Variants in SIRT3 observed in about 807,000 individuals in gnomAD.
SIRT3 encodes the protein sirtuin 3, also known as NAD-dependent protein deacetylase sirtuin-3, mitochondrial.
A neutral mutation model predicts 33.5 loss-of-function variants in SIRT3; 26 were observed. That is an observed-to-expected ratio of 0.78 (90% CI 0.57 to 1.08). The LOEUF (loss-of-function observed/expected upper bound fraction) is 1.08. Among genes scored for constraint, SIRT3 ranks in the 50% least tolerant of loss-of-function variants. The pLI is 0.00. For synonymous variants in SIRT3, 237 were observed against 222.1 expected, an observed-to-expected ratio of 1.07 and a Z score of -0.60; for missense variants, 585 against 530.1, an observed-to-expected ratio of 1.10 and a Z score of -1.02.
At chr11:234,149 G>C (rs1034070570) in intron 1 of SIRT3, 9 of 152,380 alleles carry the variant, frequency 5.9e-5, no homozygotes, top group African/African-American at 2.2e-4. Flanking sequence ...CATAAACGGC[G>C]TTTTACCAAA....
rs1251046641 is a variant in SIRT3 at position 215,929 on chromosome 11, TAGAA to T, written c.*765_*768del. The stretch of plus-strand genomic sequence containing the variant: ...GTAGTGTGGGGACAAGGAGGCCAGA[TAGAA>T]AGTGCTGGAATGTTCTGGAACAGAT... On this transcript the variant is annotated 3_prime_UTR_variant, in exon 7 of 7. Transcript: ENST00000382743. The T allele has an allele frequency of 6.6e-6, 1 of 152,204 alleles. No homozygotes were observed. Among genetic ancestry groups the T allele is most frequent in the Non-Finnish European group, 1.5e-5 (1 of 68,126 alleles). The allele number at this position is 152,204 out of a possible 1,614,324, so 9.4% of individuals were successfully genotyped here.
intron 6 of SIRT3, among the ~76,000 whole-genome samples, chr11:216,945 A>T (rs1002942910): frequency 2.0e-5 from 3 of 152,270 alleles, no homozygotes; most frequent in African/African-American, 7.2e-5. Context: ...TAAAGTACCC[A>T]AATCAATATG....
chr11:232,835 G>A, intron 3 of SIRT3, 148 bp downstream of exon 3: 1 of 695,514 alleles, frequency 1.4e-6, no homozygotes, highest in Non-Finnish European at 2.4e-6. Context: ...TCCCAAGGAA[G>A]AAGCATAAGC....
chr11:232,411 C>G (rs1353369831), intron 3 of SIRT3, among the ~76,000 whole-genome samples: 1 of 152,100 alleles, frequency 6.6e-6, no homozygotes, highest in Non-Finnish European at 1.5e-5. Flanking sequence ...GATCCCACAC[C>G]TGTAATCCGG....
chr11:221,487 T>G (rs953450806), intron 5 of SIRT3, among the ~76,000 whole-genome samples: 2 of 152,242 alleles, frequency 1.3e-5, no homozygotes, highest in African/African-American at 2.4e-5. Context: ...TACATAAATT[T>G]TGTATTAAAT....
chr11:236,467 T>C (rs1293540848), upstream of SIRT3: 5 of 447,942 alleles, frequency 1.1e-5, no homozygotes, highest in Non-Finnish European at 1.4e-5. Context: ...CGGTCCCGCC[T>C]CCGCGCCCCG....
At chr11:236,372 G>GGCGCCCCGCCCGCA, upstream of SIRT3, 1 of 1,108,228 alleles carries the variant, frequency 9.0e-7, no homozygotes, top group African/African-American at 2.5e-5. Context: ...CCCCGCCCCC[G>GGCGCCCCGCCCGCA]GCGCCCCGGC....
At chr11:232,229 T>C (rs1858146089) in intron 3 of SIRT3, among the ~76,000 whole-genome samples, 1 of 152,124 alleles carries the variant, frequency 6.6e-6, no homozygotes, top group African/African-American at 2.4e-5. Context: ...GAGATTCTCC[T>C]GTCTCAGCCT....
intron 3 of SIRT3, 49 bp downstream of exon 3, chr11:232,934 C>T (rs374032174): frequency 6.4e-6 from 10 of 1,572,636 alleles, no homozygotes; most frequent in South Asian, 3.4e-5. Context: ...AACAGGCACC[C>T]GAGCCTCCGT....
intron 5 of SIRT3, among the ~76,000 whole-genome samples, chr11:222,113 G>A (rs1856518891): frequency 6.6e-6 from 1 of 152,162 alleles, no homozygotes; most frequent in African/African-American, 2.4e-5. Flanking sequence ...ACGGTCAGCT[G>A]GTCTCAGCCC....
Position 216,439 on chromosome 11 carries a change from A to G in SIRT3, c.*259T>C, listed in dbSNP as rs941712439. On this transcript the variant is annotated 3_prime_UTR_variant, in exon 7 of 7. Coordinates refer to ENST00000382743, the MANE Select transcript of SIRT3 (RefSeq NM_012239.6). ...AGCTTTTTCCATTAGGAGCTTCAGCAGAGTGAAGAGTTCAACACAGCAAAC... is the reference window on the plus strand; with the variant it reads ...AGCTTTTTCCATTAGGAGCTTCAGCGGAGTGAAGAGTTCAACACAGCAAAC... 6.1e-6 allele frequency: 3 copies of G among 488,668 alleles called. No individual in the cohort carries two copies. The highest frequency in any genetic ancestry group is 7.3e-6 in the Non-Finnish European group (2 of 274,476). The allele number at this position is 488,668 out of a possible 1,614,324, so 30.3% of individuals were successfully genotyped here. A position where few individuals can be genotyped will look rare whatever the true frequency, so the allele number is the denominator to read the frequency against.
intron 3 of SIRT3, among the ~76,000 whole-genome samples, chr11:232,559 G>A (rs1318655987): frequency 2.0e-5 from 3 of 152,184 alleles, no homozygotes; most frequent in African/African-American, 4.8e-5. Flanking sequence ...TGGTGAGGAC[G>A]CAGGAAGAAC....
intron 4 of SIRT3, among the ~76,000 whole-genome samples, chr11:224,715 G>T (rs1444337774): frequency 1.3e-5 from 2 of 152,150 alleles, no homozygotes; most frequent in Non-Finnish European, 2.9e-5. Flanking sequence ...GAGGCATTCA[G>T]GTCAGCTTCA....
At chr11:221,825 C>T (rs56011058) in intron 5 of SIRT3, among the ~76,000 whole-genome samples, 2 of 151,370 alleles carry the variant, frequency 1.3e-5, no homozygotes, top group African/African-American at 2.4e-5. Context: ...AAACAGCAGG[C>T]TGCAGAATAG....
intron 1 of SIRT3, 31 bp downstream of exon 1, chr11:236,017 C>G: frequency 6.9e-7 from 1 of 1,454,016 alleles, no homozygotes. Context: ...ACAACGAACA[C>G]GCAAGAAGTG....
chr11:232,876 A>AT (rs1236577924), intron 3 of SIRT3, 107 bp downstream of exon 3: 14 of 1,068,034 alleles, frequency 1.3e-5, no homozygotes, highest in Non-Finnish European at 1.8e-5. Context: ...AGAAACAGGC[A>AT]CCCGAGCATC....
In SIRT3 at chr11:236,279, CGG is replaced by C. The variant is rs1564817164; in HGVS notation, c.48_49del (p.Arg17GlyfsTer3). The C allele has an allele frequency of 2.6e-6, 4 of 1,538,488 alleles. No homozygotes were observed. In the Admixed American group the frequency reaches 7.8e-5, roughly 30 times the overall value. Reference sequence around the variant, plus strand: ...CCCGGCCTCGACCCGTTCAACTACCCGGCCCCACAGCCGGAGGGCTGCCGCGG... The same window carrying C: ...CCCGGCCTCGACCCGTTCAACTACCCCCCCACAGCCGGAGGGCTGCCGCGG... On this transcript the variant is annotated frameshift_variant, in exon 1 of 7. Coordinates refer to ENST00000382743, the MANE Select transcript of SIRT3 (RefSeq NM_012239.6). LOFTEE classifies it high-confidence loss of function.
chr11:216,829 C>T (rs1855713520), intron 6 of SIRT3, 111 bp from the exon 7 acceptor site: 2 of 1,196,654 alleles, frequency 1.7e-6, no homozygotes, highest in Admixed American at 3.4e-5. Context: ...TTTCACAAAA[C>T]AAGCTGCTTT....
intron 3 of SIRT3, among the ~76,000 whole-genome samples, chr11:231,393 C>CCA (rs1485205349): frequency 2.0e-5 from 3 of 152,182 alleles, no homozygotes; most frequent in Non-Finnish European, 4.4e-5. Context: ...TATGATCATG[C>CCA]CACTGCACTC....
Sources: allele counts gnomAD v4.1 joint callset (sites outside exome capture counted in the v4.1 genomes callset), GRCh38; gene constraint gnomAD v4.1.1; transcripts MANE v1.5; gene names NCBI Gene and HGNC (gene_info 2026-07-23, HGNC 2026-07-21).